The following LIN52 variants were observed in gnomAD, a reference collection of about 807,000 sequenced individuals.
LIN52 encodes protein lin-52 homolog.
In LIN52, 4 loss-of-function variants were observed where a neutral mutation model predicts 18.5. The observed-to-expected ratio is 0.22, with a 90% CI of 0.11 to 0.49. LIN52 has a LOEUF of 0.49. Ranked by LOEUF, LIN52 falls within the 20% of genes least tolerant of loss-of-function variation. The pLI is 0.97. For synonymous variants in LIN52, 34 were observed against 45.5 expected, an observed-to-expected ratio of 0.75 and a Z score of 1.02; for missense variants, 102 against 139.5, an observed-to-expected ratio of 0.73 and a Z score of 1.35.
At chr14:74,114,368 AG>A (rs1204276817) in intron 5 of LIN52, 2 of 985,504 alleles carry the variant, frequency 2.0e-6, no homozygotes, top group African/African-American at 1.7e-5. Flanking sequence ...GAGAGGAGGC[AG>A]GAAGTTACAG....
chr14:74,122,117 G>A (rs1329715753), intron 5 of LIN52, among the ~76,000 whole-genome samples: 1 of 152,122 alleles, frequency 6.6e-6, no homozygotes, highest in Admixed American at 6.5e-5. Flanking sequence ...TAAAAGAACA[G>A]GAGTGTCATT....
chr14:74,092,272 A>G (rs1037977187), intron 2 of LIN52, among the ~76,000 whole-genome samples: 1 of 146,480 alleles, frequency 6.8e-6, no homozygotes, highest in Non-Finnish European at 1.5e-5. Context: ...GTGCCTAGCC[A>G]ACAATAATTA....
intron 5 of LIN52, chr14:74,192,720 C>T: frequency 3.8e-6 from 1 of 262,384 alleles, no homozygotes; most frequent in South Asian, 4.6e-5. Flanking sequence ...TGAGGCAGAT[C>T]AGATTCCAAT....
intron 5 of LIN52, among the ~76,000 whole-genome samples, chr14:74,186,712 C>A (rs1282052202): frequency 6.6e-6 from 1 of 152,010 alleles, no homozygotes; most frequent in East Asian, 1.9e-4. Context: ...AAGAAAGCAC[C>A]TGAAGGCCAG....
chr14:74,176,810 A>G (rs2061296272), intron 5 of LIN52, among the ~76,000 whole-genome samples: 1 of 152,192 alleles, frequency 6.6e-6, no homozygotes, highest in African/African-American at 2.4e-5. Flanking sequence ...ACCCCAAAAG[A>G]AACTCCATAT....
At chr14:74,111,606 G>GTGTT (rs1555381155) in intron 5 of LIN52, among the ~76,000 whole-genome samples, 1 of 138,026 alleles carries the variant, frequency 7.2e-6, no homozygotes, top group Non-Finnish European at 1.6e-5. Context: ...CCTGCCCCTG[G>GTGTT]TATTTATTTA....
At chr14:74,127,661 C>T (rs1303379609) in intron 5 of LIN52, among the ~76,000 whole-genome samples, 1 of 152,176 alleles carries the variant, frequency 6.6e-6, no homozygotes, top group African/African-American at 2.4e-5. Flanking sequence ...AGACTGCTGC[C>T]TGGAACTAGG....
intron 5 of LIN52, among the ~76,000 whole-genome samples, chr14:74,161,464 G>A (rs961068204): frequency 1.3e-5 from 2 of 152,178 alleles, no homozygotes; most frequent in Non-Finnish European, 1.5e-5. Context: ...TGGGATTACC[G>A]GCGTCAGCCA....
chr14:74,195,259 C>T (rs1011859692), intron 5 of LIN52, among the ~76,000 whole-genome samples: 1 of 151,856 alleles, frequency 6.6e-6, no homozygotes, highest in Non-Finnish European at 1.5e-5. Flanking sequence ...TTATGGGGAA[C>T]AAAGAAAAAG....
At chr14:74,111,521 C>T (rs1331550747) in intron 5 of LIN52, among the ~76,000 whole-genome samples, 1 of 151,068 alleles carries the variant, frequency 6.6e-6, no homozygotes, top group East Asian at 1.9e-4. Flanking sequence ...AGGCTGGCCA[C>T]ATCCTCCTAG....
At chr14:74,095,055 C>G (rs575401658) in intron 2 of LIN52, among the ~76,000 whole-genome samples, 1 of 152,034 alleles carries the variant, frequency 6.6e-6, no homozygotes, top group Non-Finnish European at 1.5e-5. Context: ...TGATAGCTTA[C>G]TGCAGCCTCC....
At chr14:74,112,677 G>A (rs2060937110) in intron 5 of LIN52, among the ~76,000 whole-genome samples, 1 of 152,146 alleles carries the variant, frequency 6.6e-6, no homozygotes, top group African/African-American at 2.4e-5. Flanking sequence ...TTAAAATAAA[G>A]CTTTCAAATA....
chr14:74,142,859 G>A (rs2139955025), intron 5 of LIN52, among the ~76,000 whole-genome samples: 1 of 145,478 alleles, frequency 6.9e-6, no homozygotes, highest in South Asian at 2.4e-4. Context: ...TGTTAGGCTT[G>A]TGGGCCACAT....
chr14:74,176,125 C>A (rs2061293213), intron 5 of LIN52, among the ~76,000 whole-genome samples: 1 of 152,128 alleles, frequency 6.6e-6, no homozygotes. Context: ...GATAACAGTG[C>A]CTTCTAGAAT....
rs539313616 is a variant in LIN52 at position 74,153,739 on chromosome 14, T to C, written c.284-45183T>C. On this transcript the variant is annotated intron_variant, in intron 5 of 5. Transcript: ENST00000555028. ...TTGTATTTTTAGTAGAGACGGAGTT[T>C]CACCATGTTGGTCAGGCTGGTTTCG... Among the ~76,000 whole-genome samples, 4 of 152,268 alleles carry C rather than the reference T, an allele frequency of 2.6e-5. No individual in the cohort carries two copies. The East Asian group carries it at 7.7e-4, about 29-fold the overall frequency.
At chr14:74,187,696 C>T (rs1215090213) in intron 5 of LIN52, among the ~76,000 whole-genome samples, 4 of 152,120 alleles carry the variant, frequency 2.6e-5, no homozygotes, top group East Asian at 1.9e-4. Context: ...TCTGTGTGCA[C>T]GTTACTTTAC....
chr14:74,173,579 A>G (rs1023494538), intron 5 of LIN52, among the ~76,000 whole-genome samples: 4 of 152,232 alleles, frequency 2.6e-5, no homozygotes, highest in African/African-American at 7.2e-5. Flanking sequence ...TTTGTATTTA[A>G]TGCATTTGCA....
At chr14:74,144,922 A>G (rs1323485263) in intron 5 of LIN52, among the ~76,000 whole-genome samples, 2 of 152,248 alleles carry the variant, frequency 1.3e-5, no homozygotes, top group Non-Finnish European at 2.9e-5. Context: ...GGTTGAGATC[A>G]TGAAGTGTGT....
At chr14:74,154,895 G>T (rs561050757) in intron 5 of LIN52, among the ~76,000 whole-genome samples, 2 of 152,264 alleles carry the variant, frequency 1.3e-5, no homozygotes, top group South Asian at 2.1e-4. Flanking sequence ...ACTCACTGAG[G>T]TCCTCAATTC....
Sources: allele counts gnomAD v4.1 joint callset (sites outside exome capture counted in the v4.1 genomes callset), GRCh38; gene constraint gnomAD v4.1.1; transcripts MANE v1.5; gene names NCBI Gene and HGNC (gene_info 2026-07-23, HGNC 2026-07-21).